ZMAT4: variants seen among roughly 807,000 people sequenced by gnomAD.
ZMAT4 encodes the protein zinc finger matrin-type protein 4.
ZMAT4 carries 17 observed loss-of-function variants against 28.7 expected under a neutral mutation model. That is an observed-to-expected ratio of 0.59 (90% CI 0.41 to 0.89). The LOEUF is 0.89. Ranked by LOEUF, ZMAT4 falls within the 40% of genes least tolerant of loss-of-function variation. The probability of loss-of-function intolerance (pLI) is 0.00; values close to 1 mark genes in which losing one functional copy is unlikely to be tolerated. For missense variants in ZMAT4, 240 were observed against 283.8 expected (o/e 0.85, Z 1.11); for synonymous variants, 117 against 109.2 (o/e 1.07, Z -0.44).
intron 5 of ZMAT4, among the ~76,000 whole-genome samples, chr8:40,613,005 G>A (rs57339916): frequency 0.14 from 20,483 of 150,822 alleles, 1,900 homozygotes; most frequent in African/African-American, 0.27. Context: ...TAGACACGGG[G>A]TTTCACCATG....
At chr8:40,771,366 A>C (rs904632692) in intron 2 of ZMAT4, among the ~76,000 whole-genome samples, 1 of 151,786 alleles carries the variant, frequency 6.6e-6, no homozygotes, top group Admixed American at 6.6e-5. Flanking sequence ...ATTCATTAGG[A>C]TATGGGGAGT....
chr8:40,791,245 G>T (rs936325102), intron 2 of ZMAT4, among the ~76,000 whole-genome samples: 3 of 152,182 alleles, frequency 2.0e-5, no homozygotes, highest in Non-Finnish European at 4.4e-5. Context: ...GCATGGGATG[G>T]CATCCAGAGA....
intron 1 of ZMAT4, among the ~76,000 whole-genome samples, chr8:40,851,543 G>A (rs1159759907): frequency 1.3e-5 from 2 of 152,176 alleles, no homozygotes; most frequent in African/African-American, 2.4e-5. Flanking sequence ...GGGGAAAACC[G>A]AGTGAAGGGT....
chr8:40,855,985 C>T (rs868213280), intron 1 of ZMAT4, among the ~76,000 whole-genome samples: 59 of 152,086 alleles, frequency 3.9e-4, no homozygotes, highest in Middle Eastern at 3.4e-3. Context: ...GCAACTACAC[C>T]CAGCCACCAC....
At chr8:40,890,785 C>T (rs1208673604) in intron 1 of ZMAT4, among the ~76,000 whole-genome samples, 1 of 152,092 alleles carries the variant, frequency 6.6e-6, no homozygotes, top group Non-Finnish European at 1.5e-5. Flanking sequence ...GATTCAGCAA[C>T]ATCCACATCT....
intron 1 of ZMAT4, among the ~76,000 whole-genome samples, chr8:40,889,320 C>T (rs1248287398): frequency 6.6e-6 from 1 of 152,236 alleles, no homozygotes; most frequent in Non-Finnish European, 1.5e-5. Context: ...CGTTTATCTT[C>T]TCCCACCAAA....
At chr8:40,594,750 G>T (rs1805031847) in intron 5 of ZMAT4, among the ~76,000 whole-genome samples, 1 of 152,116 alleles carries the variant, frequency 6.6e-6, no homozygotes, top group Admixed American at 6.5e-5. Context: ...CTCATTTTTG[G>T]CATCCTCAGG....
chr8:40,615,160 T>C (rs1014878775), intron 5 of ZMAT4, among the ~76,000 whole-genome samples: 1 of 152,072 alleles, frequency 6.6e-6, no homozygotes, highest in Non-Finnish European at 1.5e-5. Context: ...GTCTGTAAAG[T>C]ATTTTATTTC....
At position 40,584,743 on chromosome 8, in the gene ZMAT4, C is replaced by T. The variant is rs529694486; in HGVS notation, c.578-3482G>A. Among the ~76,000 whole-genome samples, 12 of 152,222 alleles carry T rather than the reference C, an allele frequency of 7.9e-5. No homozygotes were observed. The South Asian group carries it at 2.3e-3, about 29-fold the overall frequency. On this transcript the variant is annotated intron_variant, in intron 5 of 6. Coordinates refer to ENST00000297737, the MANE Select transcript of ZMAT4 (RefSeq NM_024645.3). ...CCGCCTCCCGAGTTCAAGCAATTCTCCTGCCTCAGCCTCCCAAGTAGCTGG... is the reference window on the plus strand; with the variant it reads ...CCGCCTCCCGAGTTCAAGCAATTCTTCTGCCTCAGCCTCCCAAGTAGCTGG...
At chr8:40,675,567 T>C (rs1178899430) in intron 4 of ZMAT4, among the ~76,000 whole-genome samples, 6 of 152,226 alleles carry the variant, frequency 3.9e-5, no homozygotes, top group Admixed American at 3.3e-4. Flanking sequence ...GGGAGTGATC[T>C]ATCAGTCAAA....
intron 1 of ZMAT4, among the ~76,000 whole-genome samples, chr8:40,887,082 A>G (rs1818481047): frequency 6.6e-6 from 1 of 150,848 alleles, no homozygotes; most frequent in Admixed American, 6.6e-5. Context: ...GAGGTGGGAG[A>G]ATGGCGTGAA....
intron 5 of ZMAT4, among the ~76,000 whole-genome samples, chr8:40,644,675 C>T (rs567722084): frequency 6.6e-6 from 1 of 152,282 alleles, no homozygotes. Flanking sequence ...TAACTCCCCA[C>T]TCCTTAAGGC....
intron 4 of ZMAT4, among the ~76,000 whole-genome samples, chr8:40,688,566 A>G (rs1313383870): frequency 6.6e-6 from 1 of 152,196 alleles, no homozygotes; most frequent in Non-Finnish European, 1.5e-5. Context: ...ATACACTTAC[A>G]AACCTTAGGT....
At chr8:40,586,411 T>C (rs1487665130) in intron 5 of ZMAT4, among the ~76,000 whole-genome samples, 1 of 152,186 alleles carries the variant, frequency 6.6e-6, no homozygotes, top group Non-Finnish European at 1.5e-5. Flanking sequence ...CAAGGACCTG[T>C]CAGACAATCC....
chr8:40,827,032 T>C (rs1293343056), intron 1 of ZMAT4, among the ~76,000 whole-genome samples: 1 of 152,200 alleles, frequency 6.6e-6, no homozygotes, highest in Non-Finnish European at 1.5e-5. Context: ...CTTTGGACTT[T>C]ATCTTATTTC....
intron 6 of ZMAT4, among the ~76,000 whole-genome samples, chr8:40,537,235 G>A: frequency 6.6e-6 from 1 of 152,072 alleles, no homozygotes; most frequent in East Asian, 1.9e-4. Context: ...GTAGTCCTAA[G>A]CCCATTCAGG....
chr8:40,733,187 A>G (rs1369157009), intron 3 of ZMAT4, among the ~76,000 whole-genome samples: 1 of 152,050 alleles, frequency 6.6e-6, no homozygotes, highest in Non-Finnish European at 1.5e-5. Flanking sequence ...GGGAGCTGAC[A>G]TCCTTTTTTA....
At chr8:40,813,466 G>A (rs1815410065) in intron 2 of ZMAT4, among the ~76,000 whole-genome samples, 1 of 152,214 alleles carries the variant, frequency 6.6e-6, no homozygotes. Context: ...CCTGCTCTGA[G>A]GATAAACTAA....
intron 2 of ZMAT4, among the ~76,000 whole-genome samples, chr8:40,775,668 G>A (rs1303010269): frequency 6.6e-6 from 1 of 152,196 alleles, no homozygotes; most frequent in Non-Finnish European, 1.5e-5. Flanking sequence ...AGTGTCCTTA[G>A]ACCTGTGATC....
Sources: gnomAD v4.1 joint callset for allele counts (sites outside exome capture counted in the v4.1 genomes callset) on GRCh38, gnomAD v4.1.1 for gene constraint, MANE v1.5 for transcripts, NCBI Gene and HGNC (gene_info 2026-07-23, HGNC 2026-07-21) for gene names.